Variants in CGGBP1 observed in about 807,000 individuals in gnomAD.
CGGBP1 encodes CGG triplet repeat-binding protein 1.
In CGGBP1, 4 loss-of-function variants were observed where a neutral mutation model predicts 11.4. The observed-to-expected ratio is 0.35, with a 90% CI of 0.17 to 0.80. The LOEUF (loss-of-function observed/expected upper bound fraction) is 0.80, where lower values mean the gene tolerates loss of function less well. Ranked by LOEUF, CGGBP1 falls within the 30% of genes least tolerant of loss-of-function variation. CGGBP1 has a pLI of 0.52. For missense variants in CGGBP1, 135 were observed against 202.1 expected (o/e 0.67, Z 2.01); for synonymous variants, 76 against 74.1 (o/e 1.03, Z -0.13).
upstream of CGGBP1, among the ~76,000 whole-genome samples, chr3:88,062,703 C>A (rs1706953992): frequency 1.3e-5 from 2 of 152,064 alleles, no homozygotes; most frequent in Admixed American, 6.6e-5. Context: ...ATTTCTGGAA[C>A]CACTTTGATA....
At chr3:88,086,287 G>T in intron 2 of CGGBP1, 2 of 1,534,040 alleles carry the variant, frequency 1.3e-6, no homozygotes, top group Non-Finnish European at 1.7e-6. Context: ...AAGATGGCAG[G>T]TCCCTTTGCC....
intron 1 of CGGBP1, among the ~76,000 whole-genome samples, chr3:88,148,846 G>C (rs374890026): frequency 1.8e-4 from 27 of 152,166 alleles, no homozygotes; most frequent in East Asian, 1.5e-3. Flanking sequence ...TCTTTATGTT[G>C]GCCGGGCTGG....
intron 1 of CGGBP1, chr3:88,142,581 T>C (rs1169264569): frequency 1.1e-4 from 17 of 152,234 alleles, no homozygotes; most frequent in Admixed American, 9.8e-4. Context: ...CATAGTAAGG[T>C]CCTTTAGACA....
At chr3:88,110,633 A>G (rs1355015925) in intron 2 of CGGBP1, among the ~76,000 whole-genome samples, 2 of 152,036 alleles carry the variant, frequency 1.3e-5, no homozygotes, top group Non-Finnish European at 2.9e-5. Flanking sequence ...TTGGGCTTCT[A>G]CTTTATACTA....
At chr3:88,064,841 C>T (rs1707105032) in intron 2 of CGGBP1, among the ~76,000 whole-genome samples, 3 of 152,160 alleles carry the variant, frequency 2.0e-5, no homozygotes, top group Admixed American at 6.5e-5. Flanking sequence ...AACTAGAAGT[C>T]TCAAATTAGT....
chr3:88,124,960 A>G (rs899223684), intron 2 of CGGBP1, among the ~76,000 whole-genome samples: 20 of 152,194 alleles, frequency 1.3e-4, no homozygotes, highest in African/African-American at 4.8e-4. Flanking sequence ...TCACGCCTGT[A>G]ATCCCAGCAC....
At chr3:88,133,736 T>C (rs1003362227) in intron 2 of CGGBP1, among the ~76,000 whole-genome samples, 4 of 152,096 alleles carry the variant, frequency 2.6e-5, no homozygotes, top group Non-Finnish European at 4.4e-5. Context: ...AAATGAAATA[T>C]GATCACGGAG....
At chr3:88,136,997 C>G (rs1208626741) in intron 2 of CGGBP1, among the ~76,000 whole-genome samples, 1 of 151,938 alleles carries the variant, frequency 6.6e-6, no homozygotes, top group Admixed American at 6.6e-5. Context: ...AAGTTCAAGA[C>G]CAGTCTGGCC....
At chr3:88,108,728 A>G (rs559134183) in intron 2 of CGGBP1, among the ~76,000 whole-genome samples, 3 of 152,270 alleles carry the variant, frequency 2.0e-5, no homozygotes, top group Non-Finnish European at 4.4e-5. Context: ...ATTTTACTTA[A>G]TAATGGCCCC....
At chr3:88,146,093 A>G (rs751369247) in intron 1 of CGGBP1, among the ~76,000 whole-genome samples, 1 of 152,216 alleles carries the variant, frequency 6.6e-6, no homozygotes, top group Non-Finnish European at 1.5e-5. Flanking sequence ...ATGTAGTGGT[A>G]TCTTCTAGCA....
At chr3:88,134,292 T>C (rs772249264) in intron 2 of CGGBP1, among the ~76,000 whole-genome samples, 6 of 152,088 alleles carry the variant, frequency 3.9e-5, no homozygotes, top group Non-Finnish European at 5.9e-5. Flanking sequence ...ATGTGCTGAG[T>C]TCAAAGTATA....
At chr3:88,131,177 A>G (rs936778008) in intron 2 of CGGBP1, among the ~76,000 whole-genome samples, 5 of 152,206 alleles carry the variant, frequency 3.3e-5, no homozygotes, top group African/African-American at 1.2e-4. Flanking sequence ...GCTGTAGGCA[A>G]TTATAACACA....
intron 2 of CGGBP1, among the ~76,000 whole-genome samples, chr3:88,128,101 T>G (rs1706226298): frequency 6.6e-6 from 1 of 152,184 alleles, no homozygotes; most frequent in African/African-American, 2.4e-5. Flanking sequence ...ATTTGACCTC[T>G]CTGAGACTCA....
intron 2 of CGGBP1, among the ~76,000 whole-genome samples, chr3:88,122,082 G>C (rs138208949): frequency 2.4e-4 from 36 of 152,270 alleles, no homozygotes; most frequent in African/African-American, 8.7e-4. Flanking sequence ...TAGCACAAAT[G>C]TTCAATATGG....
intron 2 of CGGBP1, among the ~76,000 whole-genome samples, chr3:88,087,839 A>T (rs1401571341): frequency 6.6e-6 from 1 of 152,190 alleles, no homozygotes. Context: ...GGGTGGGGAA[A>T]CAGCATTAGA....
chr3:88,137,194 CAAAAAAAAAAAAA>C lies in CGGBP1; in HGVS notation c.-229+3763_-229+3775del, dbSNP rs11401199. ...TGGGTGACAGTGCGAGACTCTGTCT[CAAAAAAAAAAAAA>C]AAAAAAAAAAAGGATGTAGATAGAA... On this transcript the variant is annotated intron_variant, in intron 2 of 3. Transcript: ENST00000462901. 5.7e-5 allele frequency among the ~76,000 whole-genome samples: 4 copies of C among 70,754 alleles called. No individual in the cohort carries two copies. In the South Asian group the frequency reaches 2.2e-3, roughly 39 times the overall value. 46.4% of individuals were successfully genotyped at this position (70,754 alleles called of 152,430 possible). A position where few individuals can be genotyped will look rare whatever the true frequency, so the allele number is the denominator to read the frequency against.
intron 2 of CGGBP1, among the ~76,000 whole-genome samples, chr3:88,071,782 C>T (rs1271800916): frequency 6.6e-6 from 1 of 151,942 alleles, no homozygotes; most frequent in Non-Finnish European, 1.5e-5. Context: ...CCAGCCTGGG[C>T]GACAAGAGTG....
At chr3:88,113,725 A>T (rs1705228617) in intron 2 of CGGBP1, among the ~76,000 whole-genome samples, 1 of 152,090 alleles carries the variant, frequency 6.6e-6, no homozygotes, top group East Asian at 1.9e-4. Context: ...AGCAACCCTG[A>T]CCCACTCGGT....
intron 2 of CGGBP1, among the ~76,000 whole-genome samples, chr3:88,075,626 G>A (rs1192521946): frequency 6.6e-6 from 1 of 152,044 alleles, no homozygotes; most frequent in East Asian, 1.9e-4. Flanking sequence ...TACTTTATTG[G>A]CAGAATAAAC....
Sources: allele counts gnomAD v4.1 joint callset (sites outside exome capture counted in the v4.1 genomes callset), GRCh38; gene constraint gnomAD v4.1.1; transcripts MANE v1.5; gene names NCBI Gene and HGNC (gene_info 2026-07-23, HGNC 2026-07-21).